KCNIP4: variants seen among roughly 807,000 people sequenced by gnomAD.
KCNIP4 encodes the protein Kv channel-interacting protein 4.
A neutral mutation model predicts 34.0 loss-of-function variants in KCNIP4; 12 were observed. The ratio of observed to expected loss-of-function variants is 0.35; its 90% CI spans 0.23 to 0.57. The LOEUF is 0.57. Among genes scored for constraint, KCNIP4 ranks in the 20% least tolerant of loss-of-function variants. The probability of loss-of-function intolerance (pLI) is 0.83; values close to 1 mark genes in which losing one functional copy is unlikely to be tolerated. For synonymous variants in KCNIP4, 124 were observed against 102.2 expected (o/e 1.21, Z -1.29); for missense variants, 238 against 311.7 (o/e 0.76, Z 1.78).
chr4:21,112,485 G>A (rs1749305194), intron 1 of KCNIP4, among the ~76,000 whole-genome samples: 1 of 152,148 alleles, frequency 6.6e-6, no homozygotes, highest in Non-Finnish European at 1.5e-5. Flanking sequence ...TGCCATTTTG[G>A]AGATAGTAAC....
chr4:21,441,298 C>T (rs1207018527), intron 1 of KCNIP4, among the ~76,000 whole-genome samples: 19 of 151,932 alleles, frequency 1.3e-4, no homozygotes, highest in Non-Finnish European at 2.5e-4. Context: ...CCCACCACCA[C>T]GCCCGGCTAA....
At chr4:21,682,039 C>T (rs548621497) in intron 1 of KCNIP4, among the ~76,000 whole-genome samples, 3 of 152,132 alleles carry the variant, frequency 2.0e-5, no homozygotes, top group Admixed American at 2.0e-4. Context: ...TAGGCATGCA[C>T]TATCATGCCC....
intron 1 of KCNIP4, among the ~76,000 whole-genome samples, chr4:21,472,542 G>C (rs1037607866): frequency 6.6e-6 from 1 of 152,122 alleles, no homozygotes; most frequent in African/African-American, 2.4e-5. Flanking sequence ...TGAGGTTTTT[G>C]AGGGTAGTTT....
Position 21,338,182 on chromosome 4 carries a change from G to A in KCNIP4, c.62-455473C>T, listed in dbSNP as rs528944893. On this transcript the variant is annotated intron_variant, in intron 1 of 8. Transcript: ENST00000382152. Reference sequence around the variant, plus strand: ...CGGGAGGCTGAGGCAGGAGAATGGCGTGAACCCGGGAGGCGCAGTTTGCAG... The same window carrying A: ...CGGGAGGCTGAGGCAGGAGAATGGCATGAACCCGGGAGGCGCAGTTTGCAG... Among the ~76,000 whole-genome samples the A allele has an allele frequency of 1.0e-3, 142 of 140,218 alleles. 1 individual carries two copies. The highest frequency in any genetic ancestry group is 1.6e-3 in the Non-Finnish European group (106 of 64,714). 92.0% of individuals were successfully genotyped at this position (140,218 alleles called of 152,430 possible).
intron 1 of KCNIP4, among the ~76,000 whole-genome samples, chr4:21,508,686 T>C (rs778540040): frequency 6.6e-6 from 1 of 152,164 alleles, no homozygotes; most frequent in Non-Finnish European, 1.5e-5. Context: ...AAGGAACAGA[T>C]AGGTCTGGTA....
rs866742644 is a variant in KCNIP4 at position 21,304,065 on chromosome 4, G to C, written c.62-421356C>G. 1.1e-3 allele frequency: 413 copies of C among 378,522 alleles called. 9 individuals are homozygous for C. Among genetic ancestry groups the C allele is most frequent in the South Asian group, 5.8e-3 (62 of 10,612 alleles). The allele number at this position is 378,522 out of a possible 1,614,324, so 23.4% of individuals were successfully genotyped here. A position where few individuals can be genotyped will look rare whatever the true frequency, so the allele number is the denominator to read the frequency against. ...AGAGAGAGAGAGAGAGAGAGAGAGA[G>C]AGACAGAGAGAGAGAGAGAGACAGA... On this transcript the variant is annotated intron_variant, in intron 1 of 8. Transcript: ENST00000382152.
chr4:20,740,025 G>A (rs1179364169), intron 5 of KCNIP4, among the ~76,000 whole-genome samples: 1 of 152,184 alleles, frequency 6.6e-6, no homozygotes, highest in Non-Finnish European at 1.5e-5. Flanking sequence ...GAAATGAAGC[G>A]AGAAGAGAAG....
intron 3 of KCNIP4, among the ~76,000 whole-genome samples, chr4:20,769,607 T>C (rs1381348483): frequency 6.6e-6 from 1 of 152,204 alleles, no homozygotes; most frequent in Non-Finnish European, 1.5e-5. Context: ...TTAGTAACTC[T>C]AAACAACACA....
intron 1 of KCNIP4, among the ~76,000 whole-genome samples, chr4:21,317,047 G>C (rs1713838167): frequency 6.6e-6 from 1 of 152,120 alleles, no homozygotes; most frequent in Admixed American, 6.6e-5. Flanking sequence ...CTTATGAGCT[G>C]CTCTGGCCTT....
intron 1 of KCNIP4, among the ~76,000 whole-genome samples, chr4:21,176,334 C>G (rs1754406808): frequency 6.6e-6 from 1 of 152,062 alleles, no homozygotes; most frequent in Non-Finnish European, 1.5e-5. Context: ...CCTTGATGGA[C>G]TAGGGAAGAG....
intron 1 of KCNIP4, among the ~76,000 whole-genome samples, chr4:21,103,958 CCA>C (rs1748224597): frequency 2.0e-5 from 3 of 151,988 alleles, no homozygotes; most frequent in Admixed American, 2.0e-4. Flanking sequence ...TGTACATGGG[CCA>C]CATTTTCTTA....
Position 21,596,880 on chromosome 4 carries a change from A to G in KCNIP4, c.61+351691T>C, listed in dbSNP as rs903794072. Among the ~76,000 whole-genome samples, 5 of 152,228 alleles carry G rather than the reference A, an allele frequency of 3.3e-5. No individual in the cohort carries two copies. The South Asian group carries it at 1.0e-3, about 32-fold the overall frequency. On this transcript the variant is annotated intron_variant, in intron 1 of 8. Coordinates refer to ENST00000382152, the MANE Select transcript of KCNIP4 (RefSeq NM_025221.6). ...AAGAAATGGAGAGGAACTGAGTTCC[A>G]GGCAGAAGATTTGGAAGCGGAAACC...
At chr4:21,869,698 T>C (rs1002577907) in intron 1 of KCNIP4, among the ~76,000 whole-genome samples, 14 of 148,816 alleles carry the variant, frequency 9.4e-5, no homozygotes, top group Non-Finnish European at 1.5e-4. Flanking sequence ...CTCTTGCTCT[T>C]CCCCCCCACC....
At chr4:21,292,878 C>T (rs1040397226) in intron 1 of KCNIP4, among the ~76,000 whole-genome samples, 1 of 152,174 alleles carries the variant, frequency 6.6e-6, no homozygotes. Context: ...GTGGTTTTTT[C>T]CCTATAGCAT....
chr4:21,943,372 G>A (rs1730309826), intron 1 of KCNIP4, among the ~76,000 whole-genome samples: 1 of 152,122 alleles, frequency 6.6e-6, no homozygotes, highest in Non-Finnish European at 1.5e-5. Context: ...GTGAGGGCAG[G>A]AAGTTAATTC....
intron 1 of KCNIP4, among the ~76,000 whole-genome samples, chr4:21,822,662 G>A (rs1439020374): frequency 6.6e-6 from 1 of 150,498 alleles, no homozygotes; most frequent in Non-Finnish European, 1.5e-5. Context: ...ATATGAATAA[G>A]ATTTTACAAA....
chr4:21,652,090 A>G (rs1747530364), intron 1 of KCNIP4, among the ~76,000 whole-genome samples: 1 of 152,058 alleles, frequency 6.6e-6, no homozygotes, highest in South Asian at 2.1e-4. Flanking sequence ...ATATTTATTT[A>G]TTTGCTCATC....
chr4:21,146,867 G>A (rs1454030420), intron 1 of KCNIP4, among the ~76,000 whole-genome samples: 1 of 151,974 alleles, frequency 6.6e-6, no homozygotes, highest in Non-Finnish European at 1.5e-5. Flanking sequence ...GCTCTATTAA[G>A]ACACATTTCA....
At chr4:21,856,660 G>T (rs1028001421) in intron 1 of KCNIP4, among the ~76,000 whole-genome samples, 1 of 152,034 alleles carries the variant, frequency 6.6e-6, no homozygotes, top group Non-Finnish European at 1.5e-5. Context: ...ACCTACAGCT[G>T]CCCAATCTGT....
Sources: gnomAD v4.1 joint callset for allele counts (sites outside exome capture counted in the v4.1 genomes callset) on GRCh38, gnomAD v4.1.1 for gene constraint, MANE v1.5 for transcripts, NCBI Gene and HGNC (gene_info 2026-07-23, HGNC 2026-07-21) for gene names.